Variants in CNTNAP2 observed in about 807,000 individuals in gnomAD.
CNTNAP2 encodes the protein contactin-associated protein-like 2.
Under a neutral mutation model 155.2 loss-of-function variants are expected in CNTNAP2, and 98 were observed. That is an observed-to-expected ratio of 0.63 (90% CI 0.54 to 0.75). The LOEUF is 0.75. CNTNAP2 is among the 30% of genes least tolerant of loss of function. The pLI is 0.00. For synonymous variants in CNTNAP2, 651 were observed against 631.2 expected (o/e 1.03, Z -0.47); for missense variants, 1,727 against 1,688.1 (o/e 1.02, Z -0.40).
chr7:146,304,331 T>C (rs1263925068), intron 1 of CNTNAP2, among the ~76,000 whole-genome samples: 1 of 152,106 alleles, frequency 6.6e-6, no homozygotes, highest in African/African-American at 2.4e-5. Flanking sequence ...GCTGGCTCTT[T>C]TGCTCGTTAG....
At chr7:147,218,558 AT>A (rs1337746740) in intron 8 of CNTNAP2, among the ~76,000 whole-genome samples, 2 of 111,912 alleles carry the variant, frequency 1.8e-5, no homozygotes, top group Non-Finnish European at 2.0e-5. Context: ...TCTTCCAGCT[AT>A]TTTTTTCTGT....
intron 15 of CNTNAP2, among the ~76,000 whole-genome samples, chr7:148,052,643 A>G (rs1377983970): frequency 6.6e-6 from 1 of 152,234 alleles, no homozygotes; most frequent in Admixed American, 6.5e-5. Context: ...ATTATTTGTC[A>G]TAAAGTTATA....
Position 147,344,257 on chromosome 7 carries a change from C to T in CNTNAP2, c.1498+43967C>T, listed in dbSNP as rs541493737. ...CTCCCATCACCCAAAATTCTACCCA[C>T]GCAGCTCTGTTATTTTAGCAAAAGA... is the stretch of plus-strand genomic sequence containing the variant. On this transcript the variant is annotated intron_variant, in intron 9 of 23. Coordinates refer to ENST00000361727, the MANE Select transcript of CNTNAP2 (RefSeq NM_014141.6). 2.6e-5 allele frequency among the ~76,000 whole-genome samples: 4 copies of T among 152,232 alleles called. No homozygotes were observed. In the South Asian group the frequency reaches 8.3e-4, roughly 32 times the overall value.
intron 5 of CNTNAP2, among the ~76,000 whole-genome samples, chr7:147,113,559 G>C (rs1469517663): frequency 6.6e-6 from 1 of 152,110 alleles, no homozygotes; most frequent in Non-Finnish European, 1.5e-5. Context: ...ATGGCGGCAG[G>C]AGAGAGAAGT....
chr7:147,691,006 A>G (rs1796079280), intron 13 of CNTNAP2, among the ~76,000 whole-genome samples: 1 of 152,134 alleles, frequency 6.6e-6, no homozygotes. Context: ...CAAATCCAAA[A>G]TAAATTTTGG....
At chr7:147,341,750 TCA>T (rs1332438796) in intron 9 of CNTNAP2, among the ~76,000 whole-genome samples, 3 of 128,792 alleles carry the variant, frequency 2.3e-5, no homozygotes, top group South Asian at 5.8e-4. Context: ...ATCTAGGCTA[TCA>T]CACACACACA....
chr7:147,212,060 CAA>C (rs2116573629), intron 8 of CNTNAP2, among the ~76,000 whole-genome samples: 1 of 152,172 alleles, frequency 6.6e-6, no homozygotes, highest in African/African-American at 2.4e-5. Flanking sequence ...TCATCTCACA[CAA>C]GTCAGAATGG....
chr7:147,477,151 T>G (rs984261066), intron 10 of CNTNAP2, among the ~76,000 whole-genome samples: 5 of 152,142 alleles, frequency 3.3e-5, no homozygotes, highest in African/African-American at 1.2e-4. Flanking sequence ...GGCTAAATAT[T>G]TTTTTGGGGA....
At chr7:146,385,697 A>G (rs1795450435) in intron 1 of CNTNAP2, among the ~76,000 whole-genome samples, 1 of 152,178 alleles carries the variant, frequency 6.6e-6, no homozygotes, top group Admixed American at 6.5e-5. Flanking sequence ...AGATTGACTG[A>G]TTACTGATCC....
chr7:147,222,339 A>G (rs1437830080), intron 8 of CNTNAP2, among the ~76,000 whole-genome samples: 1 of 151,592 alleles, frequency 6.6e-6, no homozygotes, highest in Non-Finnish European at 1.5e-5. Context: ...AGCTCAGAGA[A>G]TTTTTCCTGG....
intron 2 of CNTNAP2, among the ~76,000 whole-genome samples, chr7:146,824,862 G>GTTTTT (rs370961669): frequency 7.0e-6 from 1 of 143,656 alleles, no homozygotes; most frequent in East Asian, 2.0e-4. Context: ...TTTTGGACCT[G>GTTTTT]TTTTTTTTTT....
At chr7:148,252,866 G>C (rs1307233164) in intron 20 of CNTNAP2, among the ~76,000 whole-genome samples, 1 of 152,062 alleles carries the variant, frequency 6.6e-6, no homozygotes, top group African/African-American at 2.4e-5. Context: ...CAGGGTCCAA[G>C]CTTGCTGGCC....
chr7:147,026,387 A>C (rs1798919545), intron 3 of CNTNAP2, among the ~76,000 whole-genome samples: 1 of 152,208 alleles, frequency 6.6e-6, no homozygotes, highest in South Asian at 2.1e-4. Flanking sequence ...TTTTTAGACT[A>C]ACAAAATATT....
intron 1 of CNTNAP2, among the ~76,000 whole-genome samples, chr7:146,521,822 A>G: frequency 6.6e-6 from 1 of 152,024 alleles, no homozygotes; most frequent in East Asian, 1.9e-4. Flanking sequence ...CTGCTTCCAA[A>G]TCCTGGGCTG....
intron 3 of CNTNAP2, among the ~76,000 whole-genome samples, chr7:147,040,385 T>A (rs903921094): frequency 6.6e-6 from 1 of 151,932 alleles, no homozygotes; most frequent in African/African-American, 2.4e-5. Flanking sequence ...CTCATTGAGT[T>A]AGGTGCCCAC....
At chr7:147,893,279 A>G (rs1026355226) in intron 13 of CNTNAP2, among the ~76,000 whole-genome samples, 1 of 152,210 alleles carries the variant, frequency 6.6e-6, no homozygotes. Context: ...GGAATTTTTG[A>G]CTCCAGACCA....
At chr7:146,451,010 G>C (rs150960358) in intron 1 of CNTNAP2, among the ~76,000 whole-genome samples, 1 of 151,936 alleles carries the variant, frequency 6.6e-6, no homozygotes, top group Non-Finnish European at 1.5e-5. Flanking sequence ...GCAGTGGCGT[G>C]GTCTTGGCTC....
intron 2 of CNTNAP2, among the ~76,000 whole-genome samples, chr7:146,812,982 T>C (rs1391151179): frequency 6.6e-6 from 1 of 152,112 alleles, no homozygotes; most frequent in East Asian, 1.9e-4. Context: ...CAGGTAATGT[T>C]GGTGCACAGA....
intron 1 of CNTNAP2, among the ~76,000 whole-genome samples, chr7:146,156,244 C>T (rs987003711): frequency 6.6e-5 from 10 of 152,058 alleles, no homozygotes; most frequent in Admixed American, 2.6e-4. Context: ...AGTCTAAGGG[C>T]TATTATGTTG....
Sources: allele counts gnomAD v4.1 joint callset (sites outside exome capture counted in the v4.1 genomes callset), GRCh38; gene constraint gnomAD v4.1.1; transcripts MANE v1.5; gene names NCBI Gene and HGNC (gene_info 2026-07-23, HGNC 2026-07-21).